The following TMC5 variants were observed in gnomAD, a reference collection of about 807,000 sequenced individuals.
TMC5 encodes transmembrane channel like 5, also known as transmembrane channel-like protein 5.
A neutral mutation model predicts 110.5 loss-of-function variants in TMC5; 86 were observed. That is an observed-to-expected ratio of 0.78 (90% CI 0.65 to 0.93). The LOEUF is 0.93. TMC5 is among the 40% of genes least tolerant of loss of function. The pLI, the probability that TMC5 is intolerant of heterozygous loss-of-function variation, is 0.00. For missense variants in TMC5, 1,144 were observed against 1,222.8 expected (o/e 0.94, Z 0.96); for synonymous variants, 455 against 439.5 (o/e 1.04, Z -0.44).
intron 1 of TMC5, among the ~76,000 whole-genome samples, chr16:19,424,248 T>C (rs2143372334): frequency 6.6e-6 from 1 of 152,348 alleles, no homozygotes; most frequent in East Asian, 1.9e-4. Context: ...TTTTCTAGAA[T>C]GGCTCACACA....
intron 15 of TMC5, among the ~76,000 whole-genome samples, chr16:19,485,112 CTT>C (rs35687638): frequency 2.7e-3 from 349 of 127,208 alleles, no homozygotes; most frequent in African/African-American, 6.0e-3. Context: ...TATTATTTGC[CTT>C]TTTTTTTTTT....
At chr16:19,488,998 A>T (rs1377066680) in intron 17 of TMC5, among the ~76,000 whole-genome samples, 1 of 151,988 alleles carries the variant, frequency 6.6e-6, no homozygotes, top group East Asian at 1.9e-4. Flanking sequence ...TTGCTCCACA[A>T]CACCCTTGCT....
chr16:19,440,976 T>G, intron 3 of TMC5, 150 bp downstream of exon 3: 1 of 762,590 alleles, frequency 1.3e-6, no homozygotes, highest in Non-Finnish European at 2.1e-6. Context: ...TACCTATCTG[T>G]AGACCTTACC....
chr16:19,490,210 G>A (rs1968851882), intron 17 of TMC5, among the ~76,000 whole-genome samples, 185 bp from the exon 18 acceptor site: 1 of 152,144 alleles, frequency 6.6e-6, no homozygotes, highest in East Asian at 1.9e-4. Context: ...TCTGAGAGCA[G>A]GTCCTTAGAG....
intron 2 of TMC5, among the ~76,000 whole-genome samples, chr16:19,435,406 G>A (rs1188086178): frequency 6.6e-6 from 1 of 151,904 alleles, no homozygotes; most frequent in East Asian, 1.9e-4. Flanking sequence ...GGAGGCTGAG[G>A]CAGAAGAATG....
At chr16:19,418,605 A>T (rs576304884) in intron 1 of TMC5, among the ~76,000 whole-genome samples, 17 of 151,680 alleles carry the variant, frequency 1.1e-4, no homozygotes, top group South Asian at 2.1e-4. Flanking sequence ...TCTGAGATTT[A>T]AAAAAAAATC....
At chr16:19,445,957 G>A (rs910444860) in intron 4 of TMC5, among the ~76,000 whole-genome samples, 7 of 151,670 alleles carry the variant, frequency 4.6e-5, no homozygotes, top group Non-Finnish European at 7.4e-5. Context: ...TGAGGCTGCC[G>A]TGAGCCATGA....
At chr16:19,475,517 G>A (rs1968466270) in intron 12 of TMC5, among the ~76,000 whole-genome samples, 1 of 151,712 alleles carries the variant, frequency 6.6e-6, no homozygotes, top group African/African-American at 2.4e-5. Context: ...TGTGAGATCC[G>A]GCTCCCGGCC....
chr16:19,498,889 C>A lies in TMC5; in HGVS notation c.*923C>A, dbSNP rs1383322251. ...CAGCCTGGCCAACATGGTGAAACCC[C>A]GTCTCTACTAAAAATAAAAAAACTA... is the stretch of plus-strand genomic sequence containing the variant. On this transcript the variant is annotated 3_prime_UTR_variant, in exon 22 of 22. Transcript: ENST00000542583. The A allele has an allele frequency of 2.0e-5, 3 of 151,912 alleles. No individual in the cohort carries two copies. The highest frequency in any genetic ancestry group is 2.9e-5 in the Non-Finnish European group (2 of 68,016). 9.4% of individuals were successfully genotyped at this position (151,912 alleles called of 1,614,324 possible). A position where few individuals can be genotyped will look rare whatever the true frequency, so the allele number is the denominator to read the frequency against.
rs1437727568 is a variant in TMC5 at position 19,449,007 on chromosome 16, C to T, written c.959-535C>T. On this transcript the variant is annotated intron_variant, in intron 4 of 21. Coordinates refer to ENST00000542583, the MANE Select transcript of TMC5 (RefSeq NM_001261841.2). ...CCGAGTAGCTGGGACTACAGGCGCC[C>T]GCCACTACACCCGGCTAATTTTTTT... 1.4e-4 allele frequency among the ~76,000 whole-genome samples: 21 copies of T among 151,228 alleles called. No individual in the cohort carries two copies. The East Asian group carries it at 1.9e-3, about 14-fold the overall frequency.
chr16:19,447,898 C>CTAA, intron 4 of TMC5, among the ~76,000 whole-genome samples: 1 of 150,114 alleles, frequency 6.7e-6, no homozygotes, highest in East Asian at 2.0e-4. Flanking sequence ...CTCAGAGATG[C>CTAA]TAAGACACAC....
intron 1 of TMC5, among the ~76,000 whole-genome samples, chr16:19,412,397 G>A (rs946698196): frequency 5.4e-5 from 8 of 149,086 alleles, no homozygotes; most frequent in Non-Finnish European, 8.9e-5. Context: ...AGACAGTCTC[G>A]TTCTGTTGCC....
At chr16:19,448,306 A>ACG (rs1967663551) in intron 4 of TMC5, among the ~76,000 whole-genome samples, 1 of 27,092 alleles carries the variant, frequency 3.7e-5, no homozygotes, top group Non-Finnish European at 1.4e-4. Context: ...ACACACACGC[A>ACG]CACACACACA....
intron 15 of TMC5, among the ~76,000 whole-genome samples, chr16:19,482,992 T>C (rs2143706921): frequency 6.6e-6 from 1 of 152,108 alleles, no homozygotes. Flanking sequence ...GCCTCCCAAG[T>C]AGCTGGGACT....
At chr16:19,444,558 A>G (rs879516190) in intron 4 of TMC5, among the ~76,000 whole-genome samples, 2 of 152,154 alleles carry the variant, frequency 1.3e-5, no homozygotes, top group Admixed American at 1.3e-4. Flanking sequence ...ATGTGGCAAG[A>G]TCTTCATATT....
intron 19 of TMC5, among the ~76,000 whole-genome samples, chr16:19,493,933 G>T (rs1229479355): frequency 6.6e-6 from 1 of 151,928 alleles, no homozygotes; most frequent in Non-Finnish European, 1.5e-5. Context: ...CGTGCCTATG[G>T]GGGATACTGG....
chr16:19,470,044 G>A (rs1395389646), intron 10 of TMC5, among the ~76,000 whole-genome samples: 5 of 151,672 alleles, frequency 3.3e-5, no homozygotes, highest in Non-Finnish European at 5.9e-5. Context: ...ACAGGCGCCT[G>A]CCACCATGCC....
Position 19,455,123 on chromosome 16 carries a change from A to G in TMC5, c.1049-5112A>G, listed in dbSNP as rs549852173. Reference sequence around the variant, plus strand: ...GCACTCCAGCCTGGGAAACAGAGCAAGACCTCATCTCTAAAAAAAAAAGTT... The same window carrying G: ...GCACTCCAGCCTGGGAAACAGAGCAGGACCTCATCTCTAAAAAAAAAAGTT... On this transcript the variant is annotated intron_variant, in intron 5 of 21. Coordinates refer to ENST00000542583, the MANE Select transcript of TMC5 (RefSeq NM_001261841.2). Among the ~76,000 whole-genome samples, 13 of 152,188 alleles carry G rather than the reference A, an allele frequency of 8.5e-5. No individual in the cohort carries two copies. The South Asian group carries it at 2.7e-3, about 32-fold the overall frequency.
At chr16:19,465,586 T>G (rs1968167884) in intron 8 of TMC5, among the ~76,000 whole-genome samples, 2 of 152,088 alleles carry the variant, frequency 1.3e-5, no homozygotes, top group African/African-American at 4.8e-5. Flanking sequence ...TTTCTTGACA[T>G]TGGCTTATTG....
Sources: gnomAD v4.1 joint callset for allele counts (sites outside exome capture counted in the v4.1 genomes callset) on GRCh38, gnomAD v4.1.1 for gene constraint, MANE v1.5 for transcripts, NCBI Gene and HGNC (gene_info 2026-07-23, HGNC 2026-07-21) for gene names.